The following WDPCP variants were observed in gnomAD, a reference collection of about 807,000 sequenced individuals.
The protein encoded by WDPCP is WD repeat-containing and planar cell polarity effector protein fritz homolog.
A neutral mutation model predicts 93.1 loss-of-function variants in WDPCP; 71 were observed. The ratio of observed to expected loss-of-function variants is 0.76; its 90% CI spans 0.63 to 0.93. WDPCP has a LOEUF of 0.93. Among genes scored for constraint, WDPCP ranks in the 40% least tolerant of loss-of-function variants. The pLI, the probability that WDPCP is intolerant of heterozygous loss-of-function variation, is 0.00. For missense variants in WDPCP, 844 were observed against 887.4 expected (o/e 0.95, Z 0.62); for synonymous variants, 315 against 315.0 (o/e 1.00, Z 0.00).
chr2:63,180,123 TAG>T (rs763258425), intron 14 of WDPCP, among the ~76,000 whole-genome samples: 5 of 152,132 alleles, frequency 3.3e-5, no homozygotes, highest in Non-Finnish European at 7.4e-5. Context: ...CACATGGAAA[TAG>T]AGTGTACAAT....
chr2:63,235,910 G>GA lies in WDPCP; in HGVS notation c.1915+23396dup, dbSNP rs572540445. On this transcript the variant is annotated intron_variant, in intron 14 of 17. Coordinates refer to ENST00000272321, the MANE Select transcript of WDPCP (RefSeq NM_015910.7). ...CATCGTACTGCGTGGGCAAAAACTG[G>GA]AAGCATTCCCCTTAGGAACAGGAAC... 7.0e-4 allele frequency among the ~76,000 whole-genome samples: 107 copies of GA among 152,222 alleles called. 1 individual carries two copies. The East Asian group carries it at 0.018, about 26-fold the overall frequency.
chr2:63,324,922 G>A (rs1687415695), intron 12 of WDPCP, among the ~76,000 whole-genome samples: 1 of 152,180 alleles, frequency 6.6e-6, no homozygotes, highest in African/African-American at 2.4e-5. Flanking sequence ...TTCCTCAAGT[G>A]GCTACAGGAG....
At chr2:63,688,956 G>GCGCTTGCCCTCTCT (rs1250384368) in intron 2 of WDPCP, among the ~76,000 whole-genome samples, 5 of 152,036 alleles carry the variant, frequency 3.3e-5, no homozygotes, top group African/African-American at 7.2e-5. Context: ...TGTCTCATGA[G>GCGCTTGCCCTCTCT]CTCTTGCCCT....
chr2:63,820,323 A>G (rs941993440), intron 1 of WDPCP, among the ~76,000 whole-genome samples: 7 of 152,146 alleles, frequency 4.6e-5, no homozygotes, highest in Non-Finnish European at 2.9e-5. Context: ...AAGTTGAGGA[A>G]TTTTATAAAA....
chr2:63,230,207 T>C (rs762732886), intron 14 of WDPCP, among the ~76,000 whole-genome samples: 28 of 151,884 alleles, frequency 1.8e-4, no homozygotes, highest in Non-Finnish European at 3.7e-4. Flanking sequence ...GTCCTTGTGA[T>C]AGTTTGCTCA....
At chr2:63,197,673 T>C (rs750577461) in intron 14 of WDPCP, among the ~76,000 whole-genome samples, 1 of 152,224 alleles carries the variant, frequency 6.6e-6, no homozygotes, top group African/African-American at 2.4e-5. Flanking sequence ...AATTTCAACA[T>C]ATCTGAAACT....
At chr2:63,599,760 G>A (rs1477533136) in intron 3 of WDPCP, 1 of 152,276 alleles carries the variant, frequency 6.6e-6, no homozygotes, top group African/African-American at 2.4e-5. Flanking sequence ...TTCATTTTAT[G>A]TCTTTTTAAT....
At chr2:63,199,880 A>G (rs1675768394) in intron 14 of WDPCP, among the ~76,000 whole-genome samples, 1 of 152,168 alleles carries the variant, frequency 6.6e-6, no homozygotes, top group African/African-American at 2.4e-5. Flanking sequence ...CAGGCACTCA[A>G]CAGCAGCTCA....
rs1710399796 is a variant in WDPCP, at chr2:63,676,009, A to G, written n.309-25171T>C. On this transcript the variant is annotated intron_variant and non_coding_transcript_variant, in intron 2 of 4. Coordinates refer to the WDPCP transcript ENST00000467687. ...TCCCTTTGGTCTATATATTTTCTCT[A>G]GGACTAATCTTTTTTACTTTTACTT... Among the ~76,000 whole-genome samples, 2 of 152,216 alleles carry G rather than the reference A, an allele frequency of 1.3e-5. 1 individual carries two copies. Among genetic ancestry groups the G allele is most frequent in the South Asian group, 4.1e-4 (2 of 4,834 alleles).
chr2:63,213,105 A>G (rs913998760), intron 14 of WDPCP, among the ~76,000 whole-genome samples: 4 of 152,152 alleles, frequency 2.6e-5, no homozygotes, highest in Non-Finnish European at 5.9e-5. Flanking sequence ...ATTGAACTCA[A>G]TTCTGCACCA....
chr2:63,813,878 A>G (rs1670893222), intron 1 of WDPCP, among the ~76,000 whole-genome samples: 1 of 152,236 alleles, frequency 6.6e-6, no homozygotes, highest in Admixed American at 6.5e-5. Context: ...TTGATAATAA[A>G]TACTAATATG....
At chr2:63,691,118 G>A (rs952233664) in intron 2 of WDPCP, among the ~76,000 whole-genome samples, 1 of 152,110 alleles carries the variant, frequency 6.6e-6, no homozygotes, top group African/African-American at 2.4e-5. Flanking sequence ...TAAATCTCAC[G>A]TGGGCACCCT....
At chr2:63,477,414 C>T (rs1700032828) in intron 6 of WDPCP, among the ~76,000 whole-genome samples, 1 of 152,018 alleles carries the variant, frequency 6.6e-6, no homozygotes, top group East Asian at 1.9e-4. Flanking sequence ...AAACTAGGGA[C>T]AGGCATTGTC....
At chr2:63,445,324 G>A (rs1197790720) in intron 6 of WDPCP, among the ~76,000 whole-genome samples, 1 of 152,078 alleles carries the variant, frequency 6.6e-6, no homozygotes, top group Non-Finnish European at 1.5e-5. Context: ...CCTCACTGGG[G>A]TCTCCCAGTG....
chr2:63,162,998 GAACT>G (rs1672737544), intron 15 of WDPCP, among the ~76,000 whole-genome samples: 2 of 152,060 alleles, frequency 1.3e-5, no homozygotes, highest in African/African-American at 4.8e-5. Context: ...TGGTACTGGA[GAACT>G]AACTGCAGTT....
chr2:63,389,907 A>G (rs1693076183), intron 10 of WDPCP, among the ~76,000 whole-genome samples: 1 of 152,150 alleles, frequency 6.6e-6, no homozygotes, highest in African/African-American at 2.4e-5. Context: ...AAGTCCTTAG[A>G]GACCTACAAA....
chr2:63,825,678 C>A (rs1671103742), intron 1 of WDPCP, among the ~76,000 whole-genome samples: 1 of 152,002 alleles, frequency 6.6e-6, no homozygotes. Flanking sequence ...TTGATGGAGA[C>A]TCCATCTCAA....
intron 15 of WDPCP, among the ~76,000 whole-genome samples, chr2:63,154,547 CTGT>C (rs1390623258): frequency 6.6e-6 from 1 of 152,040 alleles, no homozygotes; most frequent in African/African-American, 2.4e-5. Context: ...ATTTATTCAC[CTGT>C]TGAAGGGTAT....
intron 14 of WDPCP, among the ~76,000 whole-genome samples, chr2:63,176,283 T>C (rs1673795299): frequency 6.6e-6 from 1 of 152,154 alleles, no homozygotes; most frequent in Non-Finnish European, 1.5e-5. Context: ...TCTCACTCTG[T>C]TGCCCAGGCT....
Sources: allele counts gnomAD v4.1 joint callset (sites outside exome capture counted in the v4.1 genomes callset), GRCh38; gene constraint gnomAD v4.1.1; transcripts MANE v1.5; gene names NCBI Gene and HGNC (gene_info 2026-07-23, HGNC 2026-07-21).